CHD2: variants seen among roughly 807,000 people sequenced by gnomAD.
CHD2 encodes the protein ATP-dependent chromatin remodeler CHD2.
Under a neutral mutation model 243.9 loss-of-function variants are expected in CHD2, and 28 were observed. The ratio of observed to expected loss-of-function variants is 0.11; its 90% CI spans 0.09 to 0.16. The LOEUF is 0.16. Ranked by LOEUF, CHD2 falls within the 10% of genes least tolerant of loss-of-function variation. The pLI is 1.00. For synonymous variants in CHD2, 775 were observed against 779.0 expected (o/e 0.99, Z 0.09); for missense variants, 1,386 against 2,209.8 (o/e 0.63, Z 7.47).
At chr15:92,913,342 AG>A (rs1249454652) in intron 2 of CHD2, among the ~76,000 whole-genome samples, 1 of 152,204 alleles carries the variant, frequency 6.6e-6, no homozygotes, top group African/African-American at 2.4e-5. Flanking sequence ...CTCTTAGGGA[AG>A]GAAGTTCAAA....
intron 2 of CHD2, among the ~76,000 whole-genome samples, chr15:92,918,639 T>C (rs1207961792): frequency 6.6e-6 from 1 of 152,088 alleles, no homozygotes; most frequent in Non-Finnish European, 1.5e-5. Flanking sequence ...TTCTGCCTCC[T>C]CTACTAAACC....
chr15:92,964,681 G>C (rs1488646028), intron 16 of CHD2, among the ~76,000 whole-genome samples: 1 of 152,086 alleles, frequency 6.6e-6, no homozygotes, highest in Non-Finnish European at 1.5e-5. Flanking sequence ...AACCATATTG[G>C]GAATACTTAT....
intron 13 of CHD2, among the ~76,000 whole-genome samples, chr15:92,949,591 C>G (rs879686775): frequency 3.3e-5 from 5 of 152,156 alleles, no homozygotes; most frequent in Non-Finnish European, 5.9e-5. Context: ...GTGAAAGTAT[C>G]CTTTTTATAA....
chr15:93,013,248 A>AAC (rs1021843410), intron 36 of CHD2, among the ~76,000 whole-genome samples: 11 of 152,348 alleles, frequency 7.2e-5, no homozygotes, highest in African/African-American at 2.4e-4. Context: ...TTATAGCAGT[A>AAC]ACATACAGGA....
At chr15:92,911,972 G>A (rs1210320416) in intron 2 of CHD2, among the ~76,000 whole-genome samples, 1 of 152,144 alleles carries the variant, frequency 6.6e-6, no homozygotes, top group Admixed American at 6.5e-5. Flanking sequence ...TAGTTAAAAT[G>A]TTGCCCTGAA....
intron 13 of CHD2, among the ~76,000 whole-genome samples, chr15:92,950,012 G>A (rs1285057587): frequency 6.6e-6 from 1 of 152,176 alleles, no homozygotes; most frequent in African/African-American, 2.4e-5. Flanking sequence ...ACGCGCAGTG[G>A]AAAACAAAGG....
chr15:93,020,378 G>A (rs914750852), intron 38 of CHD2, 120 bp downstream of exon 38: 2 of 1,274,816 alleles, frequency 1.6e-6, no homozygotes, highest in Admixed American at 3.9e-5. Context: ...CATCATGCAT[G>A]TGTCAGCCAC....
At chr15:92,958,092 A>T (rs954625198) in intron 16 of CHD2, among the ~76,000 whole-genome samples, 4 of 152,162 alleles carry the variant, frequency 2.6e-5, no homozygotes, top group African/African-American at 7.2e-5. Flanking sequence ...TTGTGTGGAC[A>T]TATGTTTTTC....
At position 92,945,849 on chromosome 15, in the gene CHD2, T is replaced by C; in HGVS notation, c.1182T>C (p.Gly394=). 3 of 1,585,340 alleles carry C rather than the reference T, an allele frequency of 1.9e-6. No homozygotes were observed. Among genetic ancestry groups the C allele is most frequent in the South Asian group, 2.3e-5 (2 of 85,902 alleles). The change falls in exon 11 of 39, where the codon GGT becomes GGC. Residue 394 remains glycine, a synonymous_variant. Transcript: ENST00000394196. The part of the protein sequence containing the change: ...IAVKTSKSTL[G]QTDFPAHSRK... ...TGAAGACAAGTAAATCTACATTGGG[T>C]CAAACAGATTTTCCAGGTAAGCAAG...
intron 16 of CHD2, among the ~76,000 whole-genome samples, chr15:92,960,544 C>T (rs80343294): frequency 0.015 from 2,238 of 151,930 alleles, 50 homozygotes; most frequent in African/African-American, 0.052. Flanking sequence ...GTGGTTTTGT[C>T]CTTTAACAAT....
chr15:92,928,514 G>A (rs1361481767), intron 4 of CHD2, among the ~76,000 whole-genome samples: 1 of 152,176 alleles, frequency 6.6e-6, no homozygotes, highest in Non-Finnish European at 1.5e-5. Context: ...AGTCTAAAAT[G>A]AATACATCAG....
chr15:92,970,155 T>C (rs911788253), intron 17 of CHD2, among the ~76,000 whole-genome samples: 4 of 152,148 alleles, frequency 2.6e-5, no homozygotes, highest in African/African-American at 9.7e-5. Context: ...AAATGTAGCT[T>C]CAGTCCCTCT....
rs7402385 is a variant in CHD2 at position 93,027,011 on chromosome 15, T to C, written c.*2306T>C. On this transcript the variant is annotated 3_prime_UTR_variant, in exon 39 of 39. Coordinates refer to ENST00000394196, the MANE Select transcript of CHD2 (RefSeq NM_001271.4). ...AAAGAAACTTCCTTTTGTTCACATT[T>C]AGGACTCTCAGTGCCATATGAAGTA... The C allele has an allele frequency of 0.91, 139,324 of 152,716 alleles. 64,197 individuals carry two copies. The highest frequency in any genetic ancestry group is 1 in the East Asian group (5,182 of 5,184). The allele number at this position is 152,716 out of a possible 1,614,324, so 9.5% of individuals were successfully genotyped here. A position where few individuals can be genotyped will look rare whatever the true frequency, so the allele number is the denominator to read the frequency against.
At position 93,025,856 on chromosome 15, in the gene CHD2, C is replaced by G. The variant is rs2054583060; in HGVS notation, c.*1151C>G. The G allele has an allele frequency of 8.1e-6, 1 of 124,170 alleles. No individual in the cohort carries two copies. Among genetic ancestry groups the G allele is most frequent in the South Asian group, 3.0e-4 (1 of 3,314 alleles). The allele number at this position is 124,170 out of a possible 1,614,324, so 7.7% of individuals were successfully genotyped here. Reference sequence around the variant, plus strand: ...AAATAGAGTAGACAGAATCACACATCATGTGGTGGGCAGATGGAAATAAGT... The same window carrying G: ...AAATAGAGTAGACAGAATCACACATGATGTGGTGGGCAGATGGAAATAAGT... On this transcript the variant is annotated 3_prime_UTR_variant, in exon 39 of 39. Transcript: ENST00000394196.
intron 37 of CHD2, among the ~76,000 whole-genome samples, chr15:93,018,367 TC>T (rs1465014786): frequency 1.3e-5 from 2 of 152,216 alleles, no homozygotes; most frequent in Middle Eastern, 3.2e-3. Flanking sequence ...GCTCAGCACT[TC>T]CTTAATGGTG....
At chr15:92,923,292 A>C (rs2052994338) in intron 2 of CHD2, among the ~76,000 whole-genome samples, 1 of 152,130 alleles carries the variant, frequency 6.6e-6, no homozygotes, top group South Asian at 2.1e-4. Context: ...ACAGGGTCTC[A>C]CTGTGACACC....
intron 16 of CHD2, among the ~76,000 whole-genome samples, chr15:92,958,001 C>T (rs1442435316): frequency 6.6e-6 from 1 of 152,004 alleles, no homozygotes; most frequent in Non-Finnish European, 1.5e-5. Context: ...TAGGTGTTCT[C>T]TTTCATTGGG....
chr15:92,968,004 G>A (rs758063184), intron 17 of CHD2, among the ~76,000 whole-genome samples: 7 of 151,564 alleles, frequency 4.6e-5, no homozygotes, highest in Non-Finnish European at 1.0e-4. Context: ...TGTAAGCTCC[G>A]TGCATTTTGC....
intron 5 of CHD2, among the ~76,000 whole-genome samples, chr15:92,931,931 C>T (rs537980280): frequency 6.1e-5 from 9 of 148,644 alleles, no homozygotes; most frequent in Non-Finnish European, 1.0e-4. Flanking sequence ...GGCGCAATCT[C>T]GGCTCACTGC....
Sources: allele counts gnomAD v4.1 joint callset (sites outside exome capture counted in the v4.1 genomes callset), GRCh38; gene constraint gnomAD v4.1.1; transcripts MANE v1.5; gene names NCBI Gene and HGNC (gene_info 2026-07-23, HGNC 2026-07-21).